The following HS6ST3 variants were observed in gnomAD, a reference collection of about 807,000 sequenced individuals.
HS6ST3 encodes heparan-sulfate 6-O-sulfotransferase 3.
HS6ST3 carries 12 observed loss-of-function variants against 36.7 expected under a neutral mutation model. The observed-to-expected ratio is 0.33, with a 90% CI of 0.21 to 0.53. The LOEUF (loss-of-function observed/expected upper bound fraction) is 0.53, where lower values mean the gene tolerates loss of function less well. HS6ST3 is among the 20% of genes least tolerant of loss of function. HS6ST3 has a pLI of 0.95. For synonymous variants in HS6ST3, 240 were observed against 257.5 expected, an observed-to-expected ratio of 0.93 and a Z score of 0.65; for missense variants, 584 against 640.9, an observed-to-expected ratio of 0.91 and a Z score of 0.96.
At chr13:96,296,203 C>A (rs1374678055) in intron 1 of HS6ST3, among the ~76,000 whole-genome samples, 2 of 152,102 alleles carry the variant, frequency 1.3e-5, no homozygotes, top group African/African-American at 4.8e-5. Context: ...ACAGCACTGT[C>A]CTGAATTTTA....
At chr13:96,205,590 A>G (rs1385629873) in intron 1 of HS6ST3, among the ~76,000 whole-genome samples, 2 of 152,164 alleles carry the variant, frequency 1.3e-5, no homozygotes, top group African/African-American at 4.8e-5. Flanking sequence ...GAAATACTAC[A>G]AATTGAATTC....
intron 1 of HS6ST3, among the ~76,000 whole-genome samples, chr13:96,644,607 C>A (rs538335292): frequency 2.0e-5 from 3 of 152,096 alleles, no homozygotes; most frequent in Non-Finnish European, 4.4e-5. Context: ...AGAGTAGAAG[C>A]AGCCTAGGAG....
intron 1 of HS6ST3, among the ~76,000 whole-genome samples, chr13:96,644,775 C>T (rs1472472842): frequency 2.6e-5 from 4 of 151,972 alleles, no homozygotes; most frequent in Non-Finnish European, 5.9e-5. Flanking sequence ...GCAAAATTGC[C>T]AGACCCTCTT....
chr13:96,690,084 T>C (rs1874908743), intron 1 of HS6ST3, among the ~76,000 whole-genome samples: 1 of 152,122 alleles, frequency 6.6e-6, no homozygotes, highest in South Asian at 2.1e-4. Context: ...AGGTTTGAGA[T>C]GTTGGACTCA....
At chr13:96,686,894 T>C (rs1874795675) in intron 1 of HS6ST3, among the ~76,000 whole-genome samples, 1 of 152,052 alleles carries the variant, frequency 6.6e-6, no homozygotes. Flanking sequence ...TTCATGCTAT[T>C]CCTCATTGTG....
intron 1 of HS6ST3, among the ~76,000 whole-genome samples, chr13:96,365,112 T>C (rs1351383972): frequency 1.3e-5 from 2 of 152,166 alleles, no homozygotes; most frequent in Non-Finnish European, 2.9e-5. Context: ...AGGCACTCTG[T>C]TTTGCTAGGT....
chr13:96,426,767 C>A lies in HS6ST3; in HGVS notation c.707+335198C>A, dbSNP rs373181887. Among the ~76,000 whole-genome samples the A allele has an allele frequency of 1.4e-3, 220 of 152,228 alleles. 4 individuals carry two copies. The highest frequency in any genetic ancestry group is 5.2e-3 in the African/African-American group (216 of 41,540). Reference sequence around the variant, plus strand: ...AAGTTGGTCCCTGTTCTCCATGTGTCTTTTAAAGAATTTCTTTTGCTTGTT... The same window carrying A: ...AAGTTGGTCCCTGTTCTCCATGTGTATTTTAAAGAATTTCTTTTGCTTGTT... On this transcript the variant is annotated intron_variant, in intron 1 of 1. Transcript: ENST00000376705.
In HS6ST3 at chr13:96,838,141, C is replaced by T. The variant is rs568093955; in HGVS notation, c.*4943C>T. The T allele has an allele frequency of 2.0e-4, 31 of 151,926 alleles. No individual in the cohort carries two copies. The highest frequency in any genetic ancestry group is 6.0e-4 in the African/African-American group (25 of 41,408). The allele number at this position is 151,926 out of a possible 1,614,324, so 9.4% of individuals were successfully genotyped here. ...AGTAACTCTAGAGAAAATTGTGGCT[C>T]CTAAAGGAGGCAGATCTTTCCAAGG... On this transcript the variant is annotated 3_prime_UTR_variant, in exon 2 of 2. Transcript: ENST00000376705.
chr13:96,475,612 C>CAAAAAA (rs1251970502), intron 1 of HS6ST3, among the ~76,000 whole-genome samples: 26 of 91,438 alleles, frequency 2.8e-4, no homozygotes, highest in East Asian at 8.5e-4. Flanking sequence ...GGAGTACTAC[C>CAAAAAA]AAAAAAAAAA....
At chr13:96,512,837 GT>G (rs1223566295) in intron 1 of HS6ST3, among the ~76,000 whole-genome samples, 1 of 151,512 alleles carries the variant, frequency 6.6e-6, no homozygotes, top group Non-Finnish European at 1.5e-5. Context: ...AATAAAGGTT[GT>G]TTTTTTCTTC....
chr13:96,368,785 T>A (rs967830458), intron 1 of HS6ST3, among the ~76,000 whole-genome samples: 2 of 151,954 alleles, frequency 1.3e-5, no homozygotes, highest in East Asian at 1.9e-4. Flanking sequence ...TCAACTGGAG[T>A]AAGTTAGTTA....
At chr13:96,167,679 A>G (rs1214818819) in intron 1 of HS6ST3, among the ~76,000 whole-genome samples, 1 of 152,248 alleles carries the variant, frequency 6.6e-6, no homozygotes, top group Non-Finnish European at 1.5e-5. Context: ...CTAATGCCGC[A>G]TTAATCATGC....
chr13:96,667,578 G>T (rs2056668160), intron 1 of HS6ST3, among the ~76,000 whole-genome samples: 1 of 152,074 alleles, frequency 6.6e-6, no homozygotes, highest in African/African-American at 2.4e-5. Context: ...ACTCGTAAAT[G>T]TAAATTTCAC....
At chr13:96,516,044 A>G (rs890357010) in intron 1 of HS6ST3, among the ~76,000 whole-genome samples, 2 of 151,956 alleles carry the variant, frequency 1.3e-5, no homozygotes, top group African/African-American at 2.4e-5. Context: ...GATGATGTTG[A>G]AGATGCTAAC....
intron 1 of HS6ST3, chr13:96,574,204 C>A: frequency 2.0e-6 from 1 of 505,968 alleles, no homozygotes; most frequent in Non-Finnish European, 4.0e-6. Context: ...GCTCTGTCTC[C>A]CTCCATACTA....
At chr13:96,720,237 A>G (rs911357870) in intron 1 of HS6ST3, among the ~76,000 whole-genome samples, 1 of 152,174 alleles carries the variant, frequency 6.6e-6, no homozygotes, top group African/African-American at 2.4e-5. Context: ...GTGTAGTTTT[A>G]TCTTACAAAA....
chr13:96,302,107 G>T lies in HS6ST3; in HGVS notation c.707+210538G>T, dbSNP rs367939027. Among the ~76,000 whole-genome samples, 23 of 151,796 alleles carry T rather than the reference G, an allele frequency of 1.5e-4. 1 individual carries two copies. The South Asian group carries it at 4.2e-3, about 27-fold the overall frequency. On this transcript the variant is annotated intron_variant, in intron 1 of 1. Coordinates refer to ENST00000376705, the MANE Select transcript of HS6ST3 (RefSeq NM_153456.4). ...TTATATTAATAGTTTACTACTGGAGGTGTATCAATTGAGGAAGCCTCTCAG... is the reference window on the plus strand; with the variant it reads ...TTATATTAATAGTTTACTACTGGAGTTGTATCAATTGAGGAAGCCTCTCAG...
intron 1 of HS6ST3, among the ~76,000 whole-genome samples, chr13:96,361,502 A>G (rs1279688575): frequency 6.6e-6 from 1 of 152,228 alleles, no homozygotes; most frequent in Non-Finnish European, 1.5e-5. Flanking sequence ...ATTTAAAAGT[A>G]ACACTTAACT....
intron 1 of HS6ST3, among the ~76,000 whole-genome samples, chr13:96,430,011 TA>T (rs2055607083): frequency 1.3e-5 from 2 of 152,232 alleles, no homozygotes; most frequent in South Asian, 4.1e-4. Context: ...TCATAGAATC[TA>T]AATTGACGCT....
Sources: allele counts gnomAD v4.1 joint callset (sites outside exome capture counted in the v4.1 genomes callset), GRCh38; gene constraint gnomAD v4.1.1; transcripts MANE v1.5; gene names NCBI Gene and HGNC (gene_info 2026-07-23, HGNC 2026-07-21).